Variants in PTGES2 observed in about 807,000 individuals in gnomAD.
The protein encoded by PTGES2 is GATE-binding factor 1.
PTGES2 carries 35 observed loss-of-function variants against 44.5 expected under a neutral mutation model. The ratio of observed to expected loss-of-function variants is 0.79; its 90% CI spans 0.60 to 1.04. The LOEUF (loss-of-function observed/expected upper bound fraction) is 1.04. Among genes scored for constraint, PTGES2 ranks in the 50% least tolerant of loss-of-function variants. PTGES2 has a pLI of 0.00. For missense variants in PTGES2, 517 were observed against 521.4 expected, an observed-to-expected ratio of 0.99 and a Z score of 0.08; for synonymous variants, 221 against 227.5, an observed-to-expected ratio of 0.97 and a Z score of 0.26.
rs752061665 is a variant in PTGES2, at chr9:128,127,526, C to A, written c.192G>T (p.Leu64=). The A allele has an allele frequency of 3.4e-5, 45 of 1,306,648 alleles. No individual in the cohort carries two copies. In the African/African-American group the frequency reaches 6.1e-4, roughly 18 times the overall value. The allele number at this position is 1,306,648 out of a possible 1,614,324, so 80.9% of individuals were successfully genotyped here. A position where few individuals can be genotyped will look rare whatever the true frequency, so the allele number is the denominator to read the frequency against. The part of the protein sequence containing the change: ...GSPRLLGAAA[L]ALGGALGLYH... The stretch of plus-strand genomic sequence containing the variant: ...ACAGCCCCAGGGCTCCCCCCAGGGC[C>A]AGCGCCGCAGCTCCCAGCAGCCGCG... The change falls in exon 1 of 7, where the codon CTG becomes CTT. Residue 64 remains leucine, a synonymous_variant. Coordinates refer to ENST00000338961, the MANE Select transcript of PTGES2 (RefSeq NM_025072.7).
chr9:128,125,293 G>A lies in PTGES2; in HGVS notation c.428C>T (p.Ser143Phe). 3.1e-6 allele frequency: 5 copies of A among 1,612,464 alleles called. No individual in the cohort carries two copies. Among genetic ancestry groups the A allele is most frequent in the Non-Finnish European group, 3.4e-6 (4 of 1,179,244 alleles). ...NPVRRAEIKF[S>F]SYRKVPILVA... Reference sequence around the variant, plus strand: ...CAGGATGGGCACCTTTCTGTAGGAGGAGAACTTGATCTCAGCCCTGCGCAC... The same window carrying A: ...CAGGATGGGCACCTTTCTGTAGGAGAAGAACTTGATCTCAGCCCTGCGCAC... The change falls in exon 2 of 7, where the codon TCC becomes TTC. Residue 143 changes from serine to phenylalanine, a missense_variant. Transcript: ENST00000338961.
chr9:128,122,949 T>G lies in PTGES2; in HGVS notation c.872A>C (p.Lys291Thr), dbSNP rs749660830. 12 of 1,614,034 alleles carry G rather than the reference T, an allele frequency of 7.4e-6. No homozygotes were observed. The South Asian group carries it at 1.2e-4, about 16-fold the overall frequency. ...ACACACTTGCCTGCTCTTGAGTCGC[T>G]TGCTGATGAGGTACATGGCCGCTGC... ...MGAAAMYLISKRLKSRHRLQD... is the reference protein window; with the variant it reads ...MGAAAMYLISTRLKSRHRLQD... Residue 291 changes from lysine to threonine, a missense_variant, in exon 5 of 7, where the codon AAG (lysine) becomes ACG (threonine). Coordinates refer to ENST00000338961, the MANE Select transcript of PTGES2 (RefSeq NM_025072.7).
At chr9:128,128,190 C>G (rs1467578512), upstream of PTGES2, 3 of 325,994 alleles carry the variant, frequency 9.2e-6, no homozygotes, top group East Asian at 9.4e-5. Context: ...GTTCTCTCTG[C>G]CCTCCCGCCT....
upstream of PTGES2, chr9:128,128,309 G>T (rs765379252): frequency 8.8e-6 from 4 of 456,178 alleles, no homozygotes; most frequent in East Asian, 2.8e-4. Context: ...CCGGCCCGCC[G>T]ACCCCGAGAT....
intron 5 of PTGES2, 80 bp from the exon 6 acceptor site, chr9:128,122,559 G>C (rs935848524): frequency 1.4e-5 from 18 of 1,275,242 alleles, no homozygotes; most frequent in African/African-American, 8.7e-5. Flanking sequence ...CTGGGGAGAG[G>C]GGGGAGGTGT....
Position 128,122,959 on chromosome 9 carries a change from G to A in PTGES2, c.862C>T (p.Leu288Phe), listed in dbSNP as rs1834473679. The stretch of plus-strand genomic sequence containing the variant: ...CTGCTCTTGAGTCGCTTGCTGATGA[G>A]GTACATGGCCGCTGCACCCATGTAC... ...AKYMGAAAMY[L>F]ISKRLKSRHR... is the part of the protein sequence containing the mutation. The change falls in exon 5 of 7, where the codon CTC (leucine) becomes TTC (phenylalanine). Residue 288 changes from leucine (L) to phenylalanine (F), a missense_variant. Transcript: ENST00000338961. The A allele has an allele frequency of 6.2e-7, 1 of 1,613,922 alleles. No homozygotes were observed. Among genetic ancestry groups the A allele is most frequent in the African/African-American group, 1.3e-5 (1 of 74,924 alleles).
At chr9:128,124,951 A>T in intron 2 of PTGES2, 5 of 983,292 alleles carry the variant, frequency 5.1e-6, no homozygotes, top group Non-Finnish European at 5.5e-6. Context: ...CCCAAGTCAC[A>T]CAGCTAGTGA....
chr9:128,126,998 G>A (rs1352812620), intron 1 of PTGES2, among the ~76,000 whole-genome samples: 2 of 151,648 alleles, frequency 1.3e-5, no homozygotes, highest in Non-Finnish European at 2.9e-5. Flanking sequence ...GGGCGACATG[G>A]TGAAACCCTA....
chr9:128,127,949 C>T, upstream of PTGES2: 4 of 419,800 alleles, frequency 9.5e-6, no homozygotes, highest in South Asian at 1.1e-4. Flanking sequence ...CATGCTTCCG[C>T]CTCCAAAGGC....
At chr9:128,126,184 G>A (rs543647481) in intron 1 of PTGES2, among the ~76,000 whole-genome samples, 2 of 152,238 alleles carry the variant, frequency 1.3e-5, no homozygotes, top group Non-Finnish European at 2.9e-5. Context: ...CTGGACCGTG[G>A]AGGCAGGAAG....
At chr9:128,128,278 G>T (rs1266828371), upstream of PTGES2, 1 of 455,862 alleles carries the variant, frequency 2.2e-6, no homozygotes, top group African/African-American at 2.0e-5. Flanking sequence ...ACGTGTCTCT[G>T]ATTTCGCCCA....
intron 3 of PTGES2, among the ~76,000 whole-genome samples, 185 bp from the exon 4 acceptor site, chr9:128,124,036 C>T (rs941916125): frequency 6.6e-6 from 1 of 151,676 alleles, no homozygotes; most frequent in African/African-American, 2.4e-5. Context: ...GTGGGGAGGA[C>T]AAAGTAGGGG....
Position 128,123,908 on chromosome 9 carries a change from G to C in PTGES2, c.537-57C>G. 1 of 1,577,212 alleles carries C rather than the reference G, an allele frequency of 6.3e-7. No homozygotes were observed. On this transcript the variant is annotated intron_variant, in intron 3 of 6. Coordinates refer to ENST00000338961, the MANE Select transcript of PTGES2 (RefSeq NM_025072.7). This position sits in a 1 kb window ranked among gnomAD's most constrained non-coding sequence, Gnocchi z 4.4. ...CCTTCCCCCTCCGTCCCCTGTGGCC[G>C]ACCAACCCCGCTGCCCCAGCCTCAG...
At chr9:128,124,767 C>T (rs1665057806) in intron 2 of PTGES2, 3 of 1,333,268 alleles carry the variant, frequency 2.3e-6, no homozygotes, top group Non-Finnish European at 1.9e-6. Flanking sequence ...GTCTAAGCCC[C>T]AGCCCACTCA....
At position 128,123,642 on chromosome 9, in the gene PTGES2, C is replaced by T. The variant is rs924914331; in HGVS notation, c.686+60G>A. Reference sequence around the variant, plus strand: ...TCACGCCATCTTGCTCAGCTTGGTCCTACTCTACAGAAGACCCCTGCGGTC... The same window carrying T: ...TCACGCCATCTTGCTCAGCTTGGTCTTACTCTACAGAAGACCCCTGCGGTC... On this transcript the variant is annotated intron_variant, in intron 4 of 6. Transcript: ENST00000338961. This position sits in a 1 kb window ranked among gnomAD's most constrained non-coding sequence, Gnocchi z 4.4. 81 of 1,549,952 alleles carry T rather than the reference C, an allele frequency of 5.2e-5. 1 individual carries two copies. In the East Asian group the frequency reaches 1.7e-3, roughly 33 times the overall value.
In PTGES2 at chr9:128,123,895, G is replaced by C; in HGVS notation, c.537-44C>G. 6.3e-7 allele frequency: 1 copy of C among 1,592,970 alleles called. No individual in the cohort carries two copies. On this transcript the variant is annotated intron_variant, in intron 3 of 6. Coordinates refer to ENST00000338961, the MANE Select transcript of PTGES2 (RefSeq NM_025072.7). The surrounding 1 kb of genome is among the most constrained non-coding windows in gnomAD (Gnocchi z 4.4). ...TATCACCCCAACTCCTTCCCCCTCCGTCCCCTGTGGCCGACCAACCCCGCT... is the reference window on the plus strand; with the variant it reads ...TATCACCCCAACTCCTTCCCCCTCCCTCCCCTGTGGCCGACCAACCCCGCT...
rs540134191 is a variant in PTGES2 at position 128,127,712 on chromosome 9, G to A, written c.6C>T (p.Asp2=). The A allele has an allele frequency of 1.7e-4, 215 of 1,267,850 alleles. No homozygotes were observed. The African/African-American group carries it at 2.8e-3, about 16-fold the overall frequency. The allele number at this position is 1,267,850 out of a possible 1,614,324, so 78.5% of individuals were successfully genotyped here. A position where few individuals can be genotyped will look rare whatever the true frequency, so the allele number is the denominator to read the frequency against. ...GCGCCCGCACCACCCGCGCAGCCGG[G>A]TCCATGTTCGCTCCGCCGGCGCCGC... The part of the protein sequence containing the change: M[D]PAARVVRALW... Residue 2 remains aspartate (D), a synonymous_variant, in exon 1 of 7, where the codon GAC becomes GAT. Transcript: ENST00000338961.
At position 128,123,096 on chromosome 9, in the gene PTGES2, A is replaced by C; in HGVS notation, c.725T>G (p.Leu242Arg). The part of the protein sequence containing the change: ...MKWRQWADDW[L>R]VHLISPNVYR... ...CACATTGGGGGAGATCAGGTGCACC[A>C]GCCAGTCGTCCGCCCACTGCCGCCA... The change falls in exon 5 of 7, where the codon CTG (leucine) becomes CGG (arginine). Residue 242 changes from leucine to arginine, a missense_variant. Transcript: ENST00000338961. The surrounding 1 kb of genome is among the most constrained non-coding windows in gnomAD (Gnocchi z 4.4). The C allele has an allele frequency of 6.2e-7, 1 of 1,611,766 alleles. No homozygotes were observed. Among genetic ancestry groups the C allele is most frequent in the Non-Finnish European group, 8.5e-7 (1 of 1,179,982 alleles).
chr9:128,122,406 C>T lies in PTGES2; in HGVS notation c.961G>A (p.Asp321Asn). Reference protein sequence around the residue: ...ADKWVAAVGKDRPFMGGQKPN... With the variant: ...ADKWVAAVGKNRPFMGGQKPN... The stretch of plus-strand genomic sequence containing the variant: ...TTCTGGCCCCCCATGAAGGGCCGGT[C>T]CTTGCCCACAGCAGCCACCCACTTG... Residue 321 changes from aspartate (D) to asparagine (N), a missense_variant, in exon 6 of 7, where the codon GAC (aspartate) becomes AAC (asparagine). Physicochemically the swap from Asp to Asn is conservative, Grantham distance 23. Coordinates refer to ENST00000338961, the MANE Select transcript of PTGES2 (RefSeq NM_025072.7). 2 of 1,614,226 alleles carry T rather than the reference C, an allele frequency of 1.2e-6. No individual in the cohort carries two copies.
Sources: gnomAD v4.1 joint callset for allele counts (sites outside exome capture counted in the v4.1 genomes callset) on GRCh38, gnomAD v4.1.1 for gene constraint, Gnocchi (gnomAD v3.1) non-coding constraint, MANE v1.5 for transcripts, NCBI Gene and HGNC (gene_info 2026-07-23, HGNC 2026-07-21) for gene names.